TBC1D9: variants seen among roughly 807,000 people sequenced by gnomAD.
TBC1D9 encodes TBC1 domain family member 9, also known as TBC1 domain family member 9A.
A neutral mutation model predicts 132.0 loss-of-function variants in TBC1D9; 63 were observed. The observed-to-expected ratio is 0.48, with a 90% CI of 0.39 to 0.59. The LOEUF is 0.59. Ranked by LOEUF, TBC1D9 falls within the 20% of genes least tolerant of loss-of-function variation. TBC1D9 has a pLI of 0.00. For synonymous variants in TBC1D9, 610 were observed against 609.9 expected (o/e 1.00, Z 0.00); for missense variants, 1,261 against 1,592.7 (o/e 0.79, Z 3.54).
In TBC1D9 at chr4:140,624,372, G is replaced by C; in HGVS notation, c.2916C>G (p.Ser972Arg). The C allele has an allele frequency of 6.2e-7, 1 of 1,613,514 alleles. No individual in the cohort carries two copies. Among genetic ancestry groups the C allele is most frequent in the Non-Finnish European group, 8.5e-7 (1 of 1,179,744 alleles). ...PECTHVVGLD[S>R]RSKQGADDGF... Reference sequence around the variant, plus strand: ...CATCATCTGCACCCTGTTTGCTTCTGCTATCCAATCCAACAACTACCAAGA... The same window carrying C: ...CATCATCTGCACCCTGTTTGCTTCTCCTATCCAATCCAACAACTACCAAGA... The change falls in exon 19 of 21, where the codon AGC becomes AGG. Residue 972 changes from serine to arginine, a missense_variant. Transcript: ENST00000442267.
intron 16 of TBC1D9, among the ~76,000 whole-genome samples, chr4:140,633,600 A>T (rs1736831242): frequency 6.6e-6 from 1 of 152,188 alleles, no homozygotes; most frequent in South Asian, 2.1e-4. Flanking sequence ...GTTTTATGCA[A>T]TTATATATAA....
At chr4:140,670,970 A>ATTT in intron 6 of TBC1D9, 44 bp from the exon 7 acceptor site, 1 of 1,552,920 alleles carries the variant, frequency 6.4e-7, no homozygotes, top group South Asian at 1.1e-5. Flanking sequence ...TCCAAGAATT[A>ATTT]CCCAATAGCA....
chr4:140,634,101 G>A lies in TBC1D9; in HGVS notation c.2593C>T (p.Arg865Cys), dbSNP rs757180833. The A allele has an allele frequency of 3.1e-6, 5 of 1,613,990 alleles. No individual in the cohort carries two copies. Among genetic ancestry groups the A allele is most frequent in the Middle Eastern group, 1.6e-4 (1 of 6,062 alleles). The stretch of plus-strand genomic sequence containing the variant: ...CCCTTGAACTGCTCGAAGTCAATGC[G>A]ATACTGTTCCAGGTAGGGCAGGCTG... ...DPSLPYLEQYRIDFEQFKGMF... is the reference protein window; with the variant it reads ...DPSLPYLEQYCIDFEQFKGMF... The change falls in exon 16 of 21, where the codon CGC (arginine) becomes TGC (cysteine). Residue 865 changes from arginine to cysteine, a missense_variant. By Grantham distance (180) the Arg-to-Cys change is radical. This residue lies in a region of TBC1D9 where 618 missense variants were observed against 724.4 expected (regional missense o/e 0.85). Coordinates refer to ENST00000442267, the MANE Select transcript of TBC1D9 (RefSeq NM_015130.3).
At chr4:140,751,379 C>T (rs1056230913) in intron 1 of TBC1D9, among the ~76,000 whole-genome samples, 1 of 152,038 alleles carries the variant, frequency 6.6e-6, no homozygotes, top group African/African-American at 2.4e-5. Context: ...TGAATGTCCA[C>T]AAAAAGTTTA....
chr4:140,752,854 C>T (rs1738946988), intron 1 of TBC1D9, among the ~76,000 whole-genome samples: 1 of 152,150 alleles, frequency 6.6e-6, no homozygotes, highest in Non-Finnish European at 1.5e-5. Flanking sequence ...GATGACCACA[C>T]TTTGAGACCA....
At chr4:140,712,240 A>AT (rs1169659412) in intron 1 of TBC1D9, 10 of 148,018 alleles carry the variant, frequency 6.8e-5, no homozygotes, top group Admixed American at 2.2e-4. Flanking sequence ...TTTGAAGTTC[A>AT]TTTTTTCCCT....
intron 1 of TBC1D9, among the ~76,000 whole-genome samples, chr4:140,711,555 A>G (rs1738244298): frequency 2.0e-5 from 3 of 152,210 alleles, no homozygotes; most frequent in Non-Finnish European, 4.4e-5. Context: ...ACTGCCAATA[A>G]TTGAGAGCAT....
chr4:140,625,845 T>C (rs1312029047), intron 18 of TBC1D9, among the ~76,000 whole-genome samples: 3 of 152,208 alleles, frequency 2.0e-5, no homozygotes, highest in African/African-American at 4.8e-5. Flanking sequence ...ATGTGTACAA[T>C]TTGAATAAAA....
intron 1 of TBC1D9, among the ~76,000 whole-genome samples, chr4:140,735,798 T>C (rs558333681): frequency 6.6e-6 from 1 of 152,292 alleles, no homozygotes; most frequent in South Asian, 2.1e-4. Context: ...TGGCGTACAA[T>C]AACATCCAAT....
intron 16 of TBC1D9, 68 bp from the exon 17 acceptor site, chr4:140,628,433 C>T: frequency 2.1e-6 from 3 of 1,414,196 alleles, no homozygotes; most frequent in African/African-American, 1.4e-5. Context: ...CCTAGTGTTC[C>T]TCTAAAAAGT....
At chr4:140,734,376 C>A (rs1738642768) in intron 1 of TBC1D9, among the ~76,000 whole-genome samples, 1 of 152,184 alleles carries the variant, frequency 6.6e-6, no homozygotes, top group South Asian at 2.1e-4. Flanking sequence ...GCTATTCACC[C>A]ACCTTGGCCT....
chr4:140,647,796 A>G (rs1313581427), intron 13 of TBC1D9, among the ~76,000 whole-genome samples: 1 of 152,132 alleles, frequency 6.6e-6, no homozygotes, highest in African/African-American at 2.4e-5. Context: ...TTCCCTCTGG[A>G]GCAAATGGTC....
At chr4:140,708,881 T>C (rs536906285) in intron 1 of TBC1D9, among the ~76,000 whole-genome samples, 1 of 152,172 alleles carries the variant, frequency 6.6e-6, no homozygotes, top group African/African-American at 2.4e-5. Flanking sequence ...GAGTATTATA[T>C]TATTCTCAGG....
At chr4:140,705,661 A>G (rs1286097854) in intron 1 of TBC1D9, among the ~76,000 whole-genome samples, 1 of 152,184 alleles carries the variant, frequency 6.6e-6, no homozygotes, top group Non-Finnish European at 1.5e-5. Flanking sequence ...GTAGAATACT[A>G]GGAGATGGGA....
chr4:140,632,901 T>C (rs1173116624), intron 16 of TBC1D9, among the ~76,000 whole-genome samples: 2 of 152,228 alleles, frequency 1.3e-5, no homozygotes, highest in East Asian at 1.9e-4. Context: ...TAGATTAATA[T>C]AGTAAAAGTT....
intron 15 of TBC1D9, 97 bp from the exon 16 acceptor site, chr4:140,634,285 CTG>C: frequency 6.6e-7 from 1 of 1,511,046 alleles, no homozygotes; most frequent in Non-Finnish European, 8.9e-7. Context: ...TTAGGTGAAT[CTG>C]TGTGCATCCC....
intron 1 of TBC1D9, among the ~76,000 whole-genome samples, chr4:140,705,648 G>A (rs1488913299): frequency 2.6e-5 from 4 of 152,012 alleles, no homozygotes; most frequent in Non-Finnish European, 5.9e-5. Context: ...GTCCTCTATT[G>A]ATGTAGAATA....
intron 9 of TBC1D9, among the ~76,000 whole-genome samples, chr4:140,665,544 A>C (rs895198318): frequency 5.9e-5 from 9 of 152,184 alleles, no homozygotes; most frequent in African/African-American, 2.2e-4. Flanking sequence ...AACCTTTAAA[A>C]GGTTAAACAT....
intron 1 of TBC1D9, among the ~76,000 whole-genome samples, chr4:140,704,168 C>A (rs534133567): frequency 6.6e-6 from 1 of 151,942 alleles, no homozygotes; most frequent in Non-Finnish European, 1.5e-5. Context: ...GAGGCTGGGG[C>A]GGGTGGATCA....
Sources: gnomAD v4.1 joint callset for allele counts (sites outside exome capture counted in the v4.1 genomes callset) on GRCh38, gnomAD v4.1.1 for gene constraint, gnomAD v4.1.1 regional missense constraint, MANE v1.5 for transcripts, NCBI Gene and HGNC (gene_info 2026-07-23, HGNC 2026-07-21) for gene names.